Variants in INPP5B observed in about 807,000 individuals in gnomAD.
INPP5B encodes type II inositol 1,4,5-trisphosphate 5-phosphatase.
Under a neutral mutation model 118.5 loss-of-function variants are expected in INPP5B, and 90 were observed. The ratio of observed to expected loss-of-function variants is 0.76; its 90% CI spans 0.64 to 0.90. INPP5B has a LOEUF of 0.90. Ranked by LOEUF, INPP5B falls within the 40% of genes least tolerant of loss-of-function variation. The probability of loss-of-function intolerance (pLI) is 0.00; values close to 1 mark genes in which losing one functional copy is unlikely to be tolerated. For missense variants in INPP5B, 984 were observed against 1,125.6 expected (o/e 0.87, Z 1.80); for synonymous variants, 385 against 418.9 (o/e 0.92, Z 0.99).
intron 2 of INPP5B, 51 bp from the exon 3 acceptor site, chr1:37,945,901 C>T (rs1377915675): frequency 5.3e-6 from 8 of 1,516,904 alleles, no homozygotes; most frequent in Non-Finnish European, 7.3e-6. Flanking sequence ...CCTCTCCCCA[C>T]CCAGGCTGTC....
rs1330180521 is a variant in INPP5B, at chr1:37,882,911, A to G, written c.1327T>C (p.Leu443=). 6.2e-7 allele frequency: 1 copy of G among 1,614,094 alleles called. No individual in the cohort carries two copies. The highest frequency in any genetic ancestry group is 8.5e-7 in the Non-Finnish European group (1 of 1,179,972). Residue 443 remains leucine (L), a synonymous_variant, in exon 14 of 24, where the codon TTG becomes CTG. Coordinates refer to ENST00000373024, the MANE Select transcript of INPP5B (RefSeq NM_005540.3). ...PLTISNHDVI[L]WLGDLNYRIE... is the part of the protein sequence containing the mutation. Reference sequence around the variant, plus strand: ...CTGTAGTTGAGGTCCCCCAGCCACAAGATCACACTGTGAGGACAGAGCACA... The same window carrying G: ...CTGTAGTTGAGGTCCCCCAGCCACAGGATCACACTGTGAGGACAGAGCACA...
At chr1:37,901,954 C>T (rs1418040875) in intron 7 of INPP5B, among the ~76,000 whole-genome samples, 1 of 151,700 alleles carries the variant, frequency 6.6e-6, no homozygotes, top group African/African-American at 2.4e-5. Context: ...CCTTTTTTCC[C>T]CATGTTCGGT....
At chr1:37,943,598 AC>A (rs780025300) in intron 5 of INPP5B, 41 bp downstream of exon 5, 2 of 1,603,688 alleles carry the variant, frequency 1.2e-6, no homozygotes, top group South Asian at 2.2e-5. Flanking sequence ...AAAATCAGGC[AC>A]CCCTGCCCCG....
At chr1:37,908,994 C>G (rs979361503) in intron 7 of INPP5B, among the ~76,000 whole-genome samples, 16 of 152,188 alleles carry the variant, frequency 1.1e-4, no homozygotes, top group Non-Finnish European at 1.9e-4. Context: ...GACCTAAAAC[C>G]TAAGCGTCTT....
chr1:37,882,109 A>AG (rs1335547982), intron 14 of INPP5B, among the ~76,000 whole-genome samples: 1 of 152,072 alleles, frequency 6.6e-6, no homozygotes, highest in African/African-American at 2.4e-5. Context: ...AAAAAAAAAA[A>AG]AAAGATAATA....
intron 7 of INPP5B, among the ~76,000 whole-genome samples, chr1:37,905,928 TA>T (rs1326233423): frequency 3.9e-5 from 6 of 152,180 alleles, no homozygotes; most frequent in African/African-American, 1.4e-4. Context: ...AAAAATTGAG[TA>T]AAGTATACTC....
chr1:37,931,737 C>G (rs1296521638), intron 7 of INPP5B, 176 bp downstream of exon 7: 2 of 1,591,938 alleles, frequency 1.3e-6, no homozygotes, highest in African/African-American at 1.3e-5. Context: ...CCTCAAGCTC[C>G]TCATCCCGCC....
intron 7 of INPP5B, among the ~76,000 whole-genome samples, chr1:37,905,541 G>A (rs958175910): frequency 6.6e-6 from 1 of 152,226 alleles, no homozygotes; most frequent in Non-Finnish European, 1.5e-5. Flanking sequence ...ACATGCCACT[G>A]TGGTAACCAA....
chr1:37,921,186 G>C (rs778406454), intron 7 of INPP5B, among the ~76,000 whole-genome samples: 2 of 152,162 alleles, frequency 1.3e-5, no homozygotes, highest in African/African-American at 4.8e-5. Flanking sequence ...TGGACTCAAA[G>C]TAAGTGCTTA....
At chr1:37,910,041 C>A (rs1275919626) in intron 7 of INPP5B, among the ~76,000 whole-genome samples, 4 of 152,316 alleles carry the variant, frequency 2.6e-5, no homozygotes, top group African/African-American at 9.6e-5. Flanking sequence ...ACTCACCCAG[C>A]AGCCACTCCC....
At position 37,862,205 on chromosome 1, in the gene INPP5B, C is replaced by T. The variant is rs1641738753; in HGVS notation, c.*110G>A. The T allele has an allele frequency of 8.5e-6, 6 of 708,472 alleles. No individual in the cohort carries two copies. In the South Asian group the frequency reaches 1.0e-4, roughly 12 times the overall value. 43.9% of individuals were successfully genotyped at this position (708,472 alleles called of 1,614,324 possible). ...GGGTACTAGGCTCAGGAAATAGCTG[C>T]CATTCTTGCTACCAAGTGGCCTCAC... On this transcript the variant is annotated 3_prime_UTR_variant, in exon 24 of 24. Transcript: ENST00000373024.
intron 20 of INPP5B, 126 bp from the exon 21 acceptor site, chr1:37,866,669 A>C (rs1642069506): frequency 1.5e-6 from 1 of 663,302 alleles, no homozygotes; most frequent in African/African-American, 1.8e-5. Flanking sequence ...GAATCACCTG[A>C]CAGATGATCT....
In INPP5B at chr1:37,873,073, C is replaced by T. The variant is rs376320485; in HGVS notation, c.2044G>A (p.Val682Ile). Reference sequence around the variant, plus strand: ...TCCTTTCCCCTGTCCAAGTGCAGAACCAGAATGTCCTCAATTTTGTCTTCA... The same window carrying T: ...TCCTTTCCCCTGTCCAAGTGCAGAATCAGAATGTCCTCAATTTTGTCTTCA... ...SGEDKIEDIL[V>I]LHLDRGKDYF... The change falls in exon 19 of 24, where the codon GTT becomes ATT. Residue 682 changes from valine (V) to isoleucine (I), a missense_variant. Coordinates refer to ENST00000373024, the MANE Select transcript of INPP5B (RefSeq NM_005540.3). 25 of 1,614,024 alleles carry T rather than the reference C, an allele frequency of 1.5e-5. No individual in the cohort carries two copies. Among genetic ancestry groups the T allele is most frequent in the Non-Finnish European group, 2.0e-5 (24 of 1,180,020 alleles).
intron 6 of INPP5B, among the ~76,000 whole-genome samples, chr1:37,939,549 A>G (rs1195858201): frequency 6.8e-6 from 1 of 147,428 alleles, no homozygotes. Context: ...GGTTTATGCC[A>G]TTCTCCAGCC....
rs34131982 is a variant in INPP5B at position 37,872,063 on chromosome 1, CAAA to C, written c.2187+864_2187+866del. Among the ~76,000 whole-genome samples, 481 of 58,150 alleles carry C rather than the reference CAAA, an allele frequency of 8.3e-3. 1 individual carries two copies. The highest frequency in any genetic ancestry group is 0.024 in the African/African-American group (363 of 14,818). 38.1% of individuals were successfully genotyped at this position (58,150 alleles called of 152,430 possible). The stretch of plus-strand genomic sequence containing the variant: ...TGGACAACAGAGTGAGACTCCATCT[CAAA>C]AAAAAAAAAAAAAAAAAAAGCCAGG... On this transcript the variant is annotated intron_variant, in intron 19 of 23. Transcript: ENST00000373024.
intron 7 of INPP5B, among the ~76,000 whole-genome samples, chr1:37,912,725 CT>C (rs971019458): frequency 2.0e-5 from 3 of 152,124 alleles, no homozygotes; most frequent in African/African-American, 7.2e-5. Context: ...ACAGGGCACC[CT>C]CCGATACTTT....
rs758871943 is a variant in INPP5B at position 37,880,108 on chromosome 1, C to T, written c.1518G>A (p.Thr506=). The T allele has an allele frequency of 6.2e-6, 10 of 1,609,596 alleles. No homozygotes were observed. Among genetic ancestry groups the T allele is most frequent in the Non-Finnish European group, 7.6e-6 (9 of 1,176,794 alleles). ...ACCTGGTATCCCAGTCGTCAGAGCC[C>T]GTATCATACTTGTAAGTAGGCTGGA... ...LTFQPTYKYD[T]GSDDWDTSEK... Residue 506 remains threonine, a synonymous_variant, in exon 15 of 24, where the codon ACG becomes ACA. Coordinates refer to ENST00000373024, the MANE Select transcript of INPP5B (RefSeq NM_005540.3).
At chr1:37,941,667 G>A (rs1007536097) in intron 5 of INPP5B, among the ~76,000 whole-genome samples, 2 of 146,050 alleles carry the variant, frequency 1.4e-5, no homozygotes, top group South Asian at 2.2e-4. Context: ...GGCCGGGCGC[G>A]GTGGCTCACG....
intron 7 of INPP5B, among the ~76,000 whole-genome samples, chr1:37,903,745 C>G (rs1557676506): frequency 6.6e-6 from 1 of 150,586 alleles, no homozygotes; most frequent in Non-Finnish European, 1.5e-5. Context: ...AAAAAATTAG[C>G]TGGGCATGGT....
Sources: allele counts gnomAD v4.1 joint callset (sites outside exome capture counted in the v4.1 genomes callset), GRCh38; gene constraint gnomAD v4.1.1; transcripts MANE v1.5; gene names NCBI Gene and HGNC (gene_info 2026-07-23, HGNC 2026-07-21).